USP9X: variants seen among roughly 807,000 people sequenced by gnomAD.
USP9X encodes ubiquitin specific peptidase 9 X-linked.
USP9X carries 7 observed loss-of-function variants against 190.3 expected under a neutral mutation model. That is an observed-to-expected ratio of 0.04 (90% CI 0.02 to 0.07). USP9X has a LOEUF of 0.07. Ranked by LOEUF, USP9X falls within the 10% of genes least tolerant of loss-of-function variation. The pLI is 1.00. For missense variants in USP9X, 1,010 were observed against 1,916.9 expected (o/e 0.53, Z 8.83); for synonymous variants, 645 against 659.5 (o/e 0.98, Z 0.34).
chrX:41,111,682 G>T (rs2062109375), intron 1 of USP9X, among the ~76,000 whole-genome samples: 1 of 110,791 alleles, frequency 9.0e-6, no homozygotes, highest in Non-Finnish European at 1.9e-5. Flanking sequence ...CTCAGAGGTG[G>T]CATGAAGGAG....
chrX:41,148,685 T>A (rs1401381934), intron 12 of USP9X, 110 bp downstream of exon 12: 4 of 782,387 alleles, frequency 5.1e-6, no homozygotes, highest in Non-Finnish European at 7.3e-6. Context: ...TAAATGATCT[T>A]CCGGAGTTGA....
chrX:41,213,161 G>A (rs778150519), intron 33 of USP9X, among the ~76,000 whole-genome samples: 18 of 111,277 alleles, frequency 1.6e-4, no homozygotes, highest in Non-Finnish European at 1.3e-4. Context: ...GCTGGGCATG[G>A]GGGTGGACTC....
chrX:41,116,058 C>A (rs981976093), intron 1 of USP9X, among the ~76,000 whole-genome samples: 17 of 111,827 alleles, frequency 1.5e-4, no homozygotes, highest in African/African-American at 5.5e-4. Flanking sequence ...TGCAGTCCAG[C>A]CTTTATCTAG....
chrX:41,160,523 G>A (rs891086146), intron 14 of USP9X, among the ~76,000 whole-genome samples: 16 of 111,297 alleles, frequency 1.4e-4, no homozygotes, highest in Non-Finnish European at 2.6e-4. Context: ...CAAAAAAAGG[G>A]AGGTGGGTTG....
intron 11 of USP9X, among the ~76,000 whole-genome samples, chrX:41,145,031 A>G (rs771797385): frequency 9.0e-6 from 1 of 110,883 alleles, no homozygotes; most frequent in East Asian, 2.8e-4. Flanking sequence ...TAGCCCAAGA[A>G]CTCCTCCTAC....
chrX:41,106,613 C>T (rs1444180305), intron 1 of USP9X, among the ~76,000 whole-genome samples: 1 of 98,945 alleles, frequency 1.0e-5, no homozygotes, highest in Non-Finnish European at 2.0e-5. Context: ...TCACTGCAAC[C>T]TCCACCTCCT....
chrX:41,219,204 A>C lies in USP9X; in HGVS notation c.6538A>C (p.Asn2180His). The C allele has an allele frequency of 8.3e-7, 1 of 1,210,492 alleles. No individual in the cohort carries two copies. Among genetic ancestry groups the C allele is most frequent in the Non-Finnish European group, 1.1e-6 (1 of 894,864 alleles). ...EHGRHLQQYFNLFVMYANLGV... is the reference protein window; with the variant it reads ...EHGRHLQQYFHLFVMYANLGV... Reference sequence around the variant, plus strand: ...TGGGCGTCATTTACAGCAGTATTTCAACCTGTTTGTAATGTATGCCAATTT... The same window carrying C: ...TGGGCGTCATTTACAGCAGTATTTCCACCTGTTTGTAATGTATGCCAATTT... Residue 2180 changes from asparagine to histidine, a missense_variant, in exon 38 of 45, where the codon AAC becomes CAC. By Grantham distance (68) the Asn-to-His change is moderately conservative. Coordinates refer to ENST00000378308, the MANE Select transcript of USP9X (RefSeq NM_001039591.3).
intron 21 of USP9X, among the ~76,000 whole-genome samples, chrX:41,175,387 G>A (rs966562035): frequency 1.8e-5 from 2 of 109,948 alleles, no homozygotes; most frequent in Non-Finnish European, 3.8e-5. Flanking sequence ...CAGGTGTGGT[G>A]ATGCGCACCT....
In USP9X at chrX:41,232,668, C is replaced by A; in HGVS notation, c.*144C>A. ...GAGAGTTTATTCACTGTCTTATCTG[C>A]AGAAATTTGCTGTCAATATATAACC... On this transcript the variant is annotated 3_prime_UTR_variant, in exon 45 of 45. Transcript: ENST00000378308. 1.2e-6 allele frequency: 1 copy of A among 818,995 alleles called. No homozygotes were observed. The highest frequency in any genetic ancestry group is 1.7e-6 in the Non-Finnish European group (1 of 595,704). 67.5% of individuals were successfully genotyped at this position (818,995 alleles called of 1,213,427 possible).
chrX:41,197,971 A>G (rs1262172258), intron 29 of USP9X, among the ~76,000 whole-genome samples: 1 of 111,994 alleles, frequency 8.9e-6, no homozygotes, highest in Non-Finnish European at 1.9e-5. Context: ...CTGAGATCGC[A>G]CCACTGCACT....
chrX:41,224,817 C>G lies in USP9X; in HGVS notation c.6827C>G (p.Ala2276Gly), dbSNP rs2063298927. Residue 2276 changes from alanine (A) to glycine (G), a missense_variant, in exon 40 of 45, where the codon GCA (alanine) becomes GGA (glycine). Physicochemically the swap from Ala to Gly is moderately conservative, Grantham distance 60. This residue lies in a region of USP9X where 121 missense variants were observed against 281.2 expected (regional missense o/e 0.43). Coordinates refer to ENST00000378308, the MANE Select transcript of USP9X (RefSeq NM_001039591.3). The stretch of plus-strand genomic sequence containing the variant: ...ATAATGCCAATTCAGCAGAATGTGG[C>G]AGACATTTTATTTGTGAGAACAAGT... The part of the protein sequence containing the change: ...QPIMPIQQNV[A>G]DILFVRTSYV... 2 of 1,209,355 alleles carry G rather than the reference C, an allele frequency of 1.7e-6. No homozygotes were observed. Among genetic ancestry groups the G allele is most frequent in the Non-Finnish European group, 2.2e-6 (2 of 894,968 alleles).
rs949401213 is a variant in USP9X, at chrX:41,235,676, T to G, written c.*3152T>G. The G allele has an allele frequency of 2.7e-5, 3 of 112,548 alleles. No individual in the cohort carries two copies. Among genetic ancestry groups the G allele is most frequent in the African/African-American group, 9.7e-5 (3 of 30,876 alleles). 9.3% of individuals were successfully genotyped at this position (112,548 alleles called of 1,213,427 possible). A position where few individuals can be genotyped will look rare whatever the true frequency, so the allele number is the denominator to read the frequency against. Reference sequence around the variant, plus strand: ...CCAACTGAACTTTCATGTTTAGCATTGTAGAGGCAGAAATAACATACTAGG... The same window carrying G: ...CCAACTGAACTTTCATGTTTAGCATGGTAGAGGCAGAAATAACATACTAGG... On this transcript the variant is annotated 3_prime_UTR_variant, in exon 45 of 45. Coordinates refer to ENST00000378308, the MANE Select transcript of USP9X (RefSeq NM_001039591.3).
At chrX:41,224,630 C>T (rs1289326898) in intron 39 of USP9X, 112 bp from the exon 40 acceptor site, 2 of 681,821 alleles carry the variant, frequency 2.9e-6, no homozygotes, top group Admixed American at 3.8e-5. Context: ...AGCGAGACTC[C>T]ATCTTAAAAA....
chrX:41,150,956 C>T lies in USP9X; in HGVS notation c.1662C>T (p.Arg554=). The T allele has an allele frequency of 8.3e-7, 1 of 1,207,347 alleles. No homozygotes were observed. Among genetic ancestry groups the T allele is most frequent in the Non-Finnish European group, 1.1e-6 (1 of 893,319 alleles). ...RDTQKIQWID[R]FIEELRTNDK... The stretch of plus-strand genomic sequence containing the variant: ...CACAAAAGATCCAATGGATAGATCG[C>T]TTTATAGAAGAACTTCGCACAAATG... Residue 554 remains arginine (R), a synonymous_variant, in exon 13 of 45, where the codon CGC becomes CGT. Coordinates refer to ENST00000378308, the MANE Select transcript of USP9X (RefSeq NM_001039591.3).
chrX:41,227,965 G>C (rs1373968186), intron 41 of USP9X, among the ~76,000 whole-genome samples: 1 of 112,120 alleles, frequency 8.9e-6, no homozygotes, highest in Non-Finnish European at 1.9e-5. Flanking sequence ...CTCCCGAAGT[G>C]CTGGGATTAC....
Position 41,096,122 on chromosome X carries a change from C to G in USP9X, c.-159+10013C>G, listed in dbSNP as rs549435785. Among the ~76,000 whole-genome samples, 3 of 112,210 alleles carry G rather than the reference C, an allele frequency of 2.7e-5. No individual in the cohort carries two copies. In the South Asian group the frequency reaches 1.1e-3, roughly 41 times the overall value. On this transcript the variant is annotated intron_variant, in intron 1 of 44. Coordinates refer to ENST00000378308, the MANE Select transcript of USP9X (RefSeq NM_001039591.3). ...TGAAAGGTCATTGAGAGAAGGGAATCTGGGTTACAGAATGACTACTCTCTC... is the reference window on the plus strand; with the variant it reads ...TGAAAGGTCATTGAGAGAAGGGAATGTGGGTTACAGAATGACTACTCTCTC...
At chrX:41,112,188 TTCAGTAAAAC>T (rs2146960997) in intron 1 of USP9X, among the ~76,000 whole-genome samples, 1 of 112,448 alleles carries the variant, frequency 8.9e-6, no homozygotes, top group East Asian at 2.8e-4. Context: ...TATTTTGCAT[TTCAGTAAAAC>T]TCATAGTGAT....
intron 11 of USP9X, among the ~76,000 whole-genome samples, chrX:41,145,926 T>C (rs1316930706): frequency 8.9e-6 from 1 of 112,040 alleles, no homozygotes; most frequent in African/African-American, 3.2e-5. Context: ...AAAATTTTAT[T>C]TTGAAGGGAA....
chrX:41,176,821 C>CT (rs2062778654), intron 21 of USP9X, among the ~76,000 whole-genome samples: 1 of 112,127 alleles, frequency 8.9e-6, no homozygotes, highest in African/African-American at 3.2e-5. Context: ...TGATTGTGAG[C>CT]TAATTGGGGT....
Sources: allele counts gnomAD v4.1 joint callset (sites outside exome capture counted in the v4.1 genomes callset), GRCh38; gene constraint gnomAD v4.1.1; regional missense constraint gnomAD v4.1.1; transcripts MANE v1.5; gene names NCBI Gene and HGNC (gene_info 2026-07-23, HGNC 2026-07-21).